Variants in RC3H2 observed in about 807,000 individuals in gnomAD.
RC3H2 encodes ring finger and CCCH-type domains 2.
In RC3H2, 31 loss-of-function variants were observed where a neutral mutation model predicts 133.3. The observed-to-expected ratio is 0.23, with a 90% CI of 0.17 to 0.31. RC3H2 has a LOEUF of 0.31. RC3H2 is among the 10% of genes least tolerant of loss of function. The probability of loss-of-function intolerance (pLI) is 1.00; values close to 1 mark genes in which losing one functional copy is unlikely to be tolerated. For missense variants in RC3H2, 1,175 were observed against 1,437.2 expected (o/e 0.82, Z 2.95); for synonymous variants, 517 against 502.2 (o/e 1.03, Z -0.40).
rs959208643 is a variant in RC3H2 at position 122,905,286 on chromosome 9, G to A, written c.-244C>T. On this transcript the variant is annotated 5_prime_UTR_variant, in exon 1 of 21. Coordinates refer to ENST00000357244, the MANE Select transcript of RC3H2 (RefSeq NM_001100588.3). Reference sequence around the variant, plus strand: ...TTGGCGGCGGCGAAGGCCGCGACGGGGCCTCCTCCTCCTCCCTCCACCTCC... The same window carrying A: ...TTGGCGGCGGCGAAGGCCGCGACGGAGCCTCCTCCTCCTCCCTCCACCTCC... 8 of 985,906 alleles carry A rather than the reference G, an allele frequency of 8.1e-6. No homozygotes were observed. Among genetic ancestry groups the A allele is most frequent in the Middle Eastern group, 1.0e-3 (2 of 1,918 alleles). 61.1% of individuals were successfully genotyped at this position (985,906 alleles called of 1,614,324 possible). A position where few individuals can be genotyped will look rare whatever the true frequency, so the allele number is the denominator to read the frequency against.
At chr9:122,861,267 G>C (rs1830444620) in intron 10 of RC3H2, among the ~76,000 whole-genome samples, 1 of 152,084 alleles carries the variant, frequency 6.6e-6, no homozygotes, top group Admixed American at 6.5e-5. Flanking sequence ...GAGGCAGGCA[G>C]ATCAACTGAG....
intron 9 of RC3H2, 92 bp from the exon 10 acceptor site, chr9:122,865,749 AAGG>A: frequency 9.1e-7 from 1 of 1,099,604 alleles, no homozygotes; most frequent in Non-Finnish European, 1.3e-6. Context: ...TAGATTGAAA[AAGG>A]AGGAAACAGT....
At chr9:122,872,797 G>A (rs1476890935) in intron 9 of RC3H2, among the ~76,000 whole-genome samples, 1 of 152,056 alleles carries the variant, frequency 6.6e-6, no homozygotes, top group Non-Finnish European at 1.5e-5. Flanking sequence ...TGCTGGCCAG[G>A]CTGGTCTCAA....
chr9:122,853,696 G>A (rs1754259458), intron 18 of RC3H2: 1 of 911,256 alleles, frequency 1.1e-6, no homozygotes, highest in South Asian at 1.8e-5. Flanking sequence ...AGGCTGCAGT[G>A]AGCCAAGATC....
intron 9 of RC3H2, among the ~76,000 whole-genome samples, chr9:122,871,510 G>C (rs545306752): frequency 5.0e-4 from 75 of 151,460 alleles, no homozygotes; most frequent in South Asian, 4.6e-3. Context: ...TGTTAGTGGG[G>C]GGGGGGGTTT....
At chr9:122,880,850 G>C in intron 5 of RC3H2, 56 bp from the exon 6 acceptor site, 1 of 1,284,700 alleles carries the variant, frequency 7.8e-7, no homozygotes, top group East Asian at 2.3e-5. Flanking sequence ...CCCTTCAACT[G>C]ATTCGTTTAT....
intron 8 of RC3H2, among the ~76,000 whole-genome samples, chr9:122,878,142 T>C (rs1016279663): frequency 1.3e-5 from 2 of 152,242 alleles, no homozygotes; most frequent in Non-Finnish European, 2.9e-5. Flanking sequence ...TTCTTATTCT[T>C]ATGAGCCTAG....
At chr9:122,875,014 A>G in intron 9 of RC3H2, 1 of 750,942 alleles carries the variant, frequency 1.3e-6, no homozygotes, top group East Asian at 2.9e-5. Flanking sequence ...TTTTTAGTCG[A>G]ACTTTCTCAA....
intron 1 of RC3H2, among the ~76,000 whole-genome samples, chr9:122,898,600 T>C (rs1044538700): frequency 7.9e-5 from 12 of 151,836 alleles, no homozygotes; most frequent in Non-Finnish European, 1.5e-4. Flanking sequence ...AAATACAAAA[T>C]TAGCCAGACG....
At chr9:122,890,112 G>T in intron 4 of RC3H2, 200 bp downstream of exon 4, 1 of 615,038 alleles carries the variant, frequency 1.6e-6, no homozygotes, top group Non-Finnish European at 2.9e-6. Flanking sequence ...CTGCACTCCA[G>T]CCTGGGTGAC....
At chr9:122,903,349 G>C (rs1308407181) in intron 1 of RC3H2, among the ~76,000 whole-genome samples, 1 of 152,130 alleles carries the variant, frequency 6.6e-6, no homozygotes, top group African/African-American at 2.4e-5. Context: ...CTAAAACCTT[G>C]TTATGAAGTT....
intron 1 of RC3H2, among the ~76,000 whole-genome samples, chr9:122,903,870 TGGTATA>T (rs1832745612): frequency 1.3e-5 from 2 of 152,312 alleles, no homozygotes; most frequent in South Asian, 4.1e-4. Flanking sequence ...GCTACAACAG[TGGTATA>T]GCTTTTTAGA....
intron 19 of RC3H2, 39 bp downstream of exon 19, chr9:122,851,284 T>A: frequency 6.2e-7 from 1 of 1,611,948 alleles, no homozygotes; most frequent in Non-Finnish European, 8.5e-7. Context: ...AAATTTTCAA[T>A]CAAACAAAGC....
chr9:122,899,706 G>A (rs1832580719), intron 1 of RC3H2, among the ~76,000 whole-genome samples: 1 of 152,154 alleles, frequency 6.6e-6, no homozygotes, highest in Non-Finnish European at 1.5e-5. Context: ...CAGTTTTCTG[G>A]TTTGCAGAGT....
chr9:122,855,801 T>G lies in RC3H2; in HGVS notation c.2532A>C (p.Ile844=), dbSNP rs7033878. 102,469 of 1,613,386 alleles carry G rather than the reference T, an allele frequency of 0.064. 3,617 individuals are homozygous for G. Among genetic ancestry groups the G allele is most frequent in the African/African-American group, 0.093 (6,967 of 74,966 alleles). The change falls in exon 14 of 21, where the codon ATA becomes ATC. Residue 844 remains isoleucine (I), a synonymous_variant. Transcript: ENST00000357244. ...AATCAATGGCATTTATACAGGAGCC[T>G]ATGGTGCCACAAGACCAGGGAGAAT... is the stretch of plus-strand genomic sequence containing the variant. ...SHYSPWSCGT[I]GSCINAIDSE...
At chr9:122,850,529 G>A (rs1484207265) in intron 20 of RC3H2, among the ~76,000 whole-genome samples, 7 of 151,640 alleles carry the variant, frequency 4.6e-5, no homozygotes, top group East Asian at 1.9e-4. Context: ...CACTGTCTCC[G>A]CCTCCCGGGT....
rs548416935 is a variant in RC3H2, at chr9:122,851,327, A to G, written c.3227T>C (p.Ile1076Thr). The G allele has an allele frequency of 2.3e-5, 37 of 1,613,956 alleles. 1 individual carries two copies. In the Admixed American group the frequency reaches 5.2e-4, roughly 23 times the overall value. Residue 1076 changes from isoleucine (I) to threonine (T), a missense_variant, in exon 19 of 21, where the codon ATT becomes ACT. Transcript: ENST00000357244. ...TTATCTAATTGTGGCACTTACTTCA[A>G]TTGGTTCACTTTGTCCATCAGGTTC... ...TDEPDGQSEP[I>T]EEILDIQLGI...
chr9:122,897,609 T>C, intron 1 of RC3H2, 33 bp from the exon 2 acceptor site: 2 of 1,403,922 alleles, frequency 1.4e-6, no homozygotes, highest in East Asian at 2.5e-5. Flanking sequence ...ATTAACCACA[T>C]ATTCATCATT....
intron 9 of RC3H2, among the ~76,000 whole-genome samples, chr9:122,868,697 T>TG (rs1284557034): frequency 2.6e-5 from 4 of 151,608 alleles, no homozygotes; most frequent in Non-Finnish European, 4.4e-5. Context: ...CCTATGACCC[T>TG]GCCAAATCCC....
Sources: gnomAD v4.1 joint callset for allele counts (sites outside exome capture counted in the v4.1 genomes callset) on GRCh38, gnomAD v4.1.1 for gene constraint, MANE v1.5 for transcripts, NCBI Gene and HGNC (gene_info 2026-07-23, HGNC 2026-07-21) for gene names.